Variants in MSRA observed in about 807,000 individuals in gnomAD.
MSRA encodes the protein mitochondrial peptide methionine sulfoxide reductase.
MSRA carries 54 observed loss-of-function variants against 31.3 expected under a neutral mutation model. The observed-to-expected ratio is 1.73, with a 90% CI of 1.39 to 2.17. The LOEUF is 2.17. Ranked by LOEUF, MSRA falls within the 30% of genes most tolerant of loss-of-function variation. The pLI is 0.00. For synonymous variants in MSRA, 169 were observed against 116.5 expected (o/e 1.45, Z -2.90); for missense variants, 507 against 300.9 (o/e 1.69, Z -5.07).
At chr8:10,405,722 C>G (rs978635569) in intron 5 of MSRA, among the ~76,000 whole-genome samples, 1 of 152,224 alleles carries the variant, frequency 6.6e-6, no homozygotes, top group Non-Finnish European at 1.5e-5. Context: ...TGTGCTCACA[C>G]ACACAATCAC....
At chr8:10,135,403 C>G (rs973907442) in intron 1 of MSRA, among the ~76,000 whole-genome samples, 4 of 152,178 alleles carry the variant, frequency 2.6e-5, no homozygotes, top group African/African-American at 9.7e-5. Context: ...TGCTCTTTTG[C>G]TCTGTTTTAT....
chr8:10,411,181 A>T (rs1190265012), intron 5 of MSRA: 1 of 152,184 alleles, frequency 6.6e-6, no homozygotes, highest in Non-Finnish European at 1.5e-5. Context: ...GCCTGCTTGG[A>T]AGTTGAGATG....
intron 1 of MSRA, among the ~76,000 whole-genome samples, chr8:10,192,534 G>A (rs190098384): frequency 6.6e-6 from 1 of 152,348 alleles, no homozygotes; most frequent in East Asian, 1.9e-4. Context: ...TGGTTGTTGT[G>A]CAACAAGGGA....
At chr8:10,187,979 C>T (rs1043827007) in intron 1 of MSRA, among the ~76,000 whole-genome samples, 7 of 152,188 alleles carry the variant, frequency 4.6e-5, no homozygotes, top group African/African-American at 7.2e-5. Context: ...ATTTGCTTTA[C>T]AGACTTTGAG....
chr8:10,307,826 A>G (rs1373009636), intron 4 of MSRA, among the ~76,000 whole-genome samples: 1 of 152,166 alleles, frequency 6.6e-6, no homozygotes, highest in East Asian at 1.9e-4. Flanking sequence ...GGGTTCCCCC[A>G]CCTGTGTAGT....
chr8:10,062,022 A>G (rs1797222149), intron 1 of MSRA, among the ~76,000 whole-genome samples: 1 of 152,158 alleles, frequency 6.6e-6, no homozygotes. Flanking sequence ...GGAAAGGAGG[A>G]CAGCTGAGGC....
At chr8:10,227,552 T>C (rs1406676552) in intron 2 of MSRA, among the ~76,000 whole-genome samples, 1 of 152,202 alleles carries the variant, frequency 6.6e-6, no homozygotes, top group Non-Finnish European at 1.5e-5. Flanking sequence ...AATACATACC[T>C]GGTACTCTTC....
chr8:10,256,260 A>G lies in MSRA; in HGVS notation c.331+11037A>G, dbSNP rs1798173112. On this transcript the variant is annotated intron_variant, in intron 3 of 5. Transcript: ENST00000317173. ...TTTCGGATTGGCTTCTTTCAGTAAT[A>G]TGCACTTAAGTTTCCACCCTGTCTT... Among the ~76,000 whole-genome samples, 7 of 152,252 alleles carry G rather than the reference A, an allele frequency of 4.6e-5. No individual in the cohort carries two copies. The South Asian group carries it at 1.4e-3, about 32-fold the overall frequency.
chr8:10,269,066 T>A (rs1431141506), intron 3 of MSRA, among the ~76,000 whole-genome samples: 2 of 152,260 alleles, frequency 1.3e-5, no homozygotes, highest in Non-Finnish European at 2.9e-5. Context: ...TTTGAATGCT[T>A]CTCCAACGCC....
intron 3 of MSRA, among the ~76,000 whole-genome samples, chr8:10,264,364 T>C (rs1798634902): frequency 6.6e-6 from 1 of 152,278 alleles, no homozygotes; most frequent in Admixed American, 6.5e-5. Flanking sequence ...GAAACTATTA[T>C]AAATTATATG....
chr8:10,224,892 C>T (rs1265875621), intron 2 of MSRA, among the ~76,000 whole-genome samples: 2 of 152,170 alleles, frequency 1.3e-5, no homozygotes, highest in African/African-American at 4.8e-5. Context: ...GGGCTCACAC[C>T]TGTAATGCCA....
At chr8:10,198,413 A>C (rs1808184375) in intron 1 of MSRA, among the ~76,000 whole-genome samples, 1 of 152,134 alleles carries the variant, frequency 6.6e-6, no homozygotes. Flanking sequence ...TCATACTTTA[A>C]AAGTTACCAT....
chr8:10,369,728 C>T (rs1451618399), intron 5 of MSRA, among the ~76,000 whole-genome samples: 1 of 152,136 alleles, frequency 6.6e-6, no homozygotes, highest in African/African-American at 2.4e-5. Flanking sequence ...ATTTGTGCAT[C>T]ATTGATAGCA....
chr8:10,399,000 G>A (rs938793053), intron 5 of MSRA, among the ~76,000 whole-genome samples: 2 of 152,186 alleles, frequency 1.3e-5, no homozygotes, highest in South Asian at 2.1e-4. Context: ...CCGAGGACTG[G>A]GTTCGGCTCA....
intron 1 of MSRA, among the ~76,000 whole-genome samples, chr8:10,157,401 T>G (rs1804248897): frequency 6.6e-6 from 1 of 152,154 alleles, no homozygotes; most frequent in Non-Finnish European, 1.5e-5. Context: ...GTTGGTCTGG[T>G]TGATATCTCA....
At chr8:10,076,731 G>C (rs1006135875) in intron 1 of MSRA, among the ~76,000 whole-genome samples, 2 of 152,050 alleles carry the variant, frequency 1.3e-5, no homozygotes, top group Non-Finnish European at 2.9e-5. Flanking sequence ...GTGCCTCCCG[G>C]CTCTGGGTTC....
intron 2 of MSRA, among the ~76,000 whole-genome samples, chr8:10,223,115 C>G (rs1349511860): frequency 6.6e-6 from 1 of 152,166 alleles, no homozygotes; most frequent in East Asian, 1.9e-4. Flanking sequence ...TAAAAAGTGA[C>G]ACTAGCAAAA....
At chr8:10,421,159 G>A (rs1808790296) in intron 5 of MSRA, among the ~76,000 whole-genome samples, 1 of 152,126 alleles carries the variant, frequency 6.6e-6, no homozygotes, top group South Asian at 2.1e-4. Flanking sequence ...TGGGCTCCTG[G>A]GGCAGGGCGG....
chr8:10,172,154 A>G (rs1038280514), intron 1 of MSRA, among the ~76,000 whole-genome samples: 1 of 152,160 alleles, frequency 6.6e-6, no homozygotes, highest in South Asian at 2.1e-4. Flanking sequence ...CTCCATGCCA[A>G]TGTGTGGAAA....
Sources: gnomAD v4.1 joint callset for allele counts (sites outside exome capture counted in the v4.1 genomes callset) on GRCh38, gnomAD v4.1.1 for gene constraint, MANE v1.5 for transcripts, NCBI Gene and HGNC (gene_info 2026-07-23, HGNC 2026-07-21) for gene names.